The following PNPLA7 variants were observed in gnomAD, a reference collection of about 807,000 sequenced individuals.
PNPLA7 encodes the protein patatin like domain 7, lysophospholipase.
PNPLA7 carries 153 observed loss-of-function variants against 161.7 expected under a neutral mutation model. The ratio of observed to expected loss-of-function variants is 0.95; its 90% CI spans 0.83 to 1.08. The LOEUF is 1.08. Ranked by LOEUF, PNPLA7 falls within the 50% of genes least tolerant of loss-of-function variation. PNPLA7 has a pLI of 0.00. For synonymous variants in PNPLA7, 809 were observed against 782.1 expected (o/e 1.03, Z -0.57); for missense variants, 1,739 against 1,856.6 (o/e 0.94, Z 1.16).
At position 137,492,199 on chromosome 9, in the gene PNPLA7, G is replaced by A. The variant is rs1297740112; in HGVS notation, c.2197+814C>T. The stretch of plus-strand genomic sequence containing the variant: ...GGAAAGAATGAATATGCTGGAGCAG[G>A]GAAAACTAAATTCCCCACACTCTAG... On this transcript the variant is annotated intron_variant, in intron 20 of 34. Coordinates refer to ENST00000406427, the MANE Select transcript of PNPLA7 (RefSeq NM_001098537.3). 10 of 985,120 alleles carry A rather than the reference G, an allele frequency of 1.0e-5. No individual in the cohort carries two copies. In the Middle Eastern group the frequency reaches 1.6e-3, roughly 154 times the overall value. 61.0% of individuals were successfully genotyped at this position (985,120 alleles called of 1,614,324 possible).
chr9:137,505,783 G>C, intron 13 of PNPLA7, 23 bp from the exon 14 acceptor site: 1 of 1,612,292 alleles, frequency 6.2e-7, no homozygotes, highest in Non-Finnish European at 8.5e-7. Flanking sequence ...GGAGATACCG[G>C]CAATTCGAAG....
rs1491165693 is a variant in PNPLA7, at chr9:137,476,508, CTA to C, written c.2882+1524_2882+1525del. ...GGGTTAAGAAGTCAACAATCTAAAA[CTA>C]AAAAAAAAACCAAAAACTTAGTAGA... On this transcript the variant is annotated intron_variant, in intron 25 of 34. Transcript: ENST00000406427. This position sits in a 1 kb window ranked among gnomAD's most constrained non-coding sequence, Gnocchi z 4.5. Among the ~76,000 whole-genome samples, 35 of 151,328 alleles carry C rather than the reference CTA, an allele frequency of 2.3e-4. No individual in the cohort carries two copies. The highest frequency in any genetic ancestry group is 8.5e-4 in the African/African-American group (35 of 41,234).
At chr9:137,481,340 G>C (rs553958752) in intron 21 of PNPLA7, among the ~76,000 whole-genome samples, 17 of 152,370 alleles carry the variant, frequency 1.1e-4, no homozygotes, top group Admixed American at 2.0e-4. Flanking sequence ...TGGAATCTCT[G>C]TGTCCTGCCA....
intron 16 of PNPLA7, among the ~76,000 whole-genome samples, chr9:137,498,855 C>T (rs908882732): frequency 5.9e-5 from 9 of 152,252 alleles, no homozygotes; most frequent in South Asian, 2.1e-4. Flanking sequence ...AGAGTGACGC[C>T]GGGCGACTCC....
At position 137,496,997 on chromosome 9, in the gene PNPLA7, C is replaced by T. The variant is rs540024537; in HGVS notation, c.2013+190G>A. On this transcript the variant is annotated intron_variant, in intron 18 of 34. Transcript: ENST00000406427. ...AGCCTGGGGATCACAGCAAAGCAGC[C>T]GCGGGGAGTCCCCCCAATGGAGGCA... Among the ~76,000 whole-genome samples the T allele has an allele frequency of 3.2e-4, 49 of 152,196 alleles. 2 individuals carry two copies. Among genetic ancestry groups the T allele is most frequent in the Admixed American group, 1.8e-3 (27 of 15,278 alleles).
In PNPLA7 at chr9:137,484,636, C is replaced by T. The variant is rs1171451196; in HGVS notation, c.2298G>A (p.Val766=). The change falls in exon 21 of 35, where the codon GTG becomes GTA. Residue 766 remains valine, a synonymous_variant. Transcript: ENST00000406427. ...TVAVMPVSEE[V]PLTAFALELE... is the part of the protein sequence containing the mutation. Reference sequence around the variant, plus strand: ...GCTCCAGGGCGAAGGCGGTGAGGGGCACTTCCTCTGACACGGGCATCACTG... The same window carrying T: ...GCTCCAGGGCGAAGGCGGTGAGGGGTACTTCCTCTGACACGGGCATCACTG... 1.2e-6 allele frequency: 2 copies of T among 1,612,550 alleles called. No homozygotes were observed. Among genetic ancestry groups the T allele is most frequent in the East Asian group, 2.2e-5 (1 of 44,830 alleles).
chr9:137,536,502 A>G (rs1440559231), intron 8 of PNPLA7, among the ~76,000 whole-genome samples: 1 of 152,100 alleles, frequency 6.6e-6, no homozygotes, highest in East Asian at 1.9e-4. Flanking sequence ...TGCATATAAA[A>G]ATCACCAAGA....
At chr9:137,461,880 G>A (rs148314203) in intron 32 of PNPLA7, 51 bp downstream of exon 32, 4 of 1,446,872 alleles carry the variant, frequency 2.8e-6, no homozygotes, top group South Asian at 1.3e-5. Flanking sequence ...GTGGCCCGAA[G>A]AACTGGGCGC....
chr9:137,465,313 A>C (rs1174506135), intron 26 of PNPLA7, among the ~76,000 whole-genome samples: 3 of 152,166 alleles, frequency 2.0e-5, no homozygotes, highest in African/African-American at 4.8e-5. Flanking sequence ...GGGCAGGCAC[A>C]CAGCCCCGGC....
At chr9:137,471,522 C>T (rs563148135) in intron 25 of PNPLA7, among the ~76,000 whole-genome samples, 4 of 148,682 alleles carry the variant, frequency 2.7e-5, no homozygotes, top group African/African-American at 5.0e-5. Context: ...TGCTTGAACC[C>T]GGGAGGTGGA....
intron 23 of PNPLA7, 69 bp downstream of exon 23, chr9:137,480,243 A>G (rs1404281196): frequency 1.3e-6 from 2 of 1,529,958 alleles, no homozygotes; most frequent in Admixed American, 2.1e-5. Flanking sequence ...TTTTACTCAA[A>G]GGAAAAGAGA....
rs571030697 is a variant in PNPLA7, at chr9:137,520,917, C to T, written c.957+719G>A. On this transcript the variant is annotated intron_variant, in intron 10 of 34. Transcript: ENST00000406427. The surrounding 1 kb of genome is among the most constrained non-coding windows in gnomAD (Gnocchi z 5.2). ...TGCTGGCAACAGGGACCCCATGGGA[C>T]GGGCATGGGGAGGGGCAGCCTCTGC... Among the ~76,000 whole-genome samples the T allele has an allele frequency of 1.3e-5, 2 of 151,936 alleles. No individual in the cohort carries two copies. Among genetic ancestry groups the T allele is most frequent in the East Asian group, 3.9e-4 (2 of 5,166 alleles).
intron 11 of PNPLA7, among the ~76,000 whole-genome samples, chr9:137,515,897 CCAAATCCCCCCTCCCCACCCCAAT>C (rs1207740547): frequency 4.3e-4 from 11 of 25,358 alleles, no homozygotes; most frequent in Admixed American, 1.5e-3. Context: ...CCCCCTCCCC[CCAAATCCCCCCTCCCCACCCCAAT>C]GCCCCTCCCC....
intron 14 of PNPLA7, among the ~76,000 whole-genome samples, chr9:137,502,739 A>ACGGGGGGGACGGGGGGGACGG (rs1833547415): frequency 9.7e-5 from 1 of 10,334 alleles, no homozygotes. Context: ...GGGGGGGACG[A>ACGGGGGGGACGGGGGGGACGG]GAGGGATGTG....
chr9:137,464,709 C>T (rs1276303924), intron 26 of PNPLA7: 3 of 517,066 alleles, frequency 5.8e-6, no homozygotes, highest in Non-Finnish European at 1.1e-5. Flanking sequence ...CCCTCGCTGG[C>T]CCTACCCTCG....
chr9:137,466,188 G>A (rs1258962603), intron 26 of PNPLA7, among the ~76,000 whole-genome samples: 1 of 152,186 alleles, frequency 6.6e-6, no homozygotes, highest in East Asian at 1.9e-4. Context: ...GCCCTGCCTG[G>A]CCGTTGGGTC....
Position 137,543,804 on chromosome 9 carries a change from G to T in PNPLA7, c.285C>A (p.Leu95=), listed in dbSNP as rs1170498237. The T allele has an allele frequency of 1.9e-6, 3 of 1,613,542 alleles. No individual in the cohort carries two copies. The highest frequency in any genetic ancestry group is 2.2e-5 in the South Asian group (2 of 91,076). The change falls in exon 5 of 35, where the codon CTC becomes CTA. Residue 95 remains leucine (L), a synonymous_variant. Transcript: ENST00000406427. The surrounding 1 kb of genome is among the most constrained non-coding windows in gnomAD (Gnocchi z 6.9). ...CAGTGTTCTCCACAAGGGTGTTGGG[G>T]AGTGTGGTCACCTGCAGAGCCAAGG... ...GRKIMRKVTT[L]PNTLVENTAL...
rs1026332537 is a variant in PNPLA7 at position 137,550,040 on chromosome 9, G to A, written c.30+128C>T. On this transcript the variant is annotated intron_variant, in intron 1 of 34. Transcript: ENST00000406427. ...AGGGGCCAGATCCACCACTCCCACAGTCCTCAGGCGCCAAGAAGCCACGGG... is the reference window on the plus strand; with the variant it reads ...AGGGGCCAGATCCACCACTCCCACAATCCTCAGGCGCCAAGAAGCCACGGG... The A allele has an allele frequency of 2.4e-4, 268 of 1,132,752 alleles. 2 individuals carry two copies. The highest frequency in any genetic ancestry group is 7.0e-5 in the Admixed American group (4 of 57,126). The allele number at this position is 1,132,752 out of a possible 1,614,324, so 70.2% of individuals were successfully genotyped here.
chr9:137,541,506 C>T lies in PNPLA7; in HGVS notation c.667-784G>A, dbSNP rs1250241970. The T allele has an allele frequency of 1.0e-6, 1 of 985,314 alleles. No individual in the cohort carries two copies. Among genetic ancestry groups the T allele is most frequent in the Non-Finnish European group, 1.2e-6 (1 of 829,920 alleles). The allele number at this position is 985,314 out of a possible 1,614,324, so 61.0% of individuals were successfully genotyped here. ...GCTGGCGTGGGATCACAGCCCACTCCCGGGACCACAGCTGGCAGGAGCCCT... is the reference window on the plus strand; with the variant it reads ...GCTGGCGTGGGATCACAGCCCACTCTCGGGACCACAGCTGGCAGGAGCCCT... On this transcript the variant is annotated intron_variant, in intron 7 of 34. Coordinates refer to ENST00000406427, the MANE Select transcript of PNPLA7 (RefSeq NM_001098537.3). The surrounding 1 kb of genome is among the most constrained non-coding windows in gnomAD (Gnocchi z 4.4).
Sources: allele counts gnomAD v4.1 joint callset (sites outside exome capture counted in the v4.1 genomes callset), GRCh38; gene constraint gnomAD v4.1.1; non-coding constraint Gnocchi (gnomAD v3.1); transcripts MANE v1.5; gene names NCBI Gene and HGNC (gene_info 2026-07-23, HGNC 2026-07-21).